The following MIA variants were observed in gnomAD, a reference collection of about 807,000 sequenced individuals.
MIA encodes melanoma-derived growth regulatory protein.
Under a neutral mutation model 18.5 loss-of-function variants are expected in MIA, and 18 were observed. The ratio of observed to expected loss-of-function variants is 0.97; its 90% CI spans 0.67 to 1.44. MIA has a LOEUF of 1.44. Ranked by LOEUF, MIA falls within the 40% of genes most tolerant of loss-of-function variation. MIA has a pLI of 0.00. For missense variants in MIA, 158 were observed against 172.4 expected (o/e 0.92, Z 0.47); for synonymous variants, 55 against 64.9 (o/e 0.85, Z 0.74).
chr19:40,775,865 C>T lies in MIA; in HGVS notation c.241C>T (p.Arg81Trp), dbSNP rs545812317. 3.3e-5 allele frequency: 54 copies of T among 1,613,740 alleles called. No homozygotes were observed. The highest frequency in any genetic ancestry group is 5.0e-5 in the Admixed American group (3 of 59,968). Residue 81 changes from arginine to tryptophan, a missense_variant, in exon 2 of 4, where the codon CGG becomes TGG. Transcript: ENST00000263369. The stretch of plus-strand genomic sequence containing the variant: ...CTTCTCCAAGCTGAAGGGCCGTGGG[C>T]GGCTCTTCTGGGGAGGCAGCGTGAG... Reference protein sequence around the residue: ...YVFSKLKGRGRLFWGGSVQGD... With the variant: ...YVFSKLKGRGWLFWGGSVQGD...
chr19:40,777,297 A>C (rs2083004898), intron 3 of MIA, 100 bp from the exon 4 acceptor site: 4 of 1,424,374 alleles, frequency 2.8e-6, no homozygotes. Context: ...TTGTGTGGCC[A>C]GACCTGGGCC....
In MIA at chr19:40,775,554, C is replaced by A; in HGVS notation, c.12C>A (p.Ser4=). 1 of 1,614,132 alleles carries A rather than the reference C, an allele frequency of 6.2e-7. No individual in the cohort carries two copies. The highest frequency in any genetic ancestry group is 8.5e-7 in the Non-Finnish European group (1 of 1,180,022). ...GCTCACAGTCCACGATGGCCCGGTC[C>A]CTGGTGTGCCTTGGTGTCATCATCT... MAR[S]LVCLGVIILL... is the part of the protein sequence containing the mutation. The change falls in exon 1 of 4, where the codon TCC becomes TCA. Residue 4 remains serine, a synonymous_variant. Transcript: ENST00000263369.
chr19:40,775,176 G>A (rs748019126), upstream of MIA: 26 of 195,238 alleles, frequency 1.3e-4, no homozygotes, highest in Non-Finnish European at 2.7e-4. Context: ...AGGCTCCTCC[G>A]CTTCTGTGGC....
chr19:40,777,343 T>G, intron 3 of MIA, 54 bp from the exon 4 acceptor site: 2 of 1,600,286 alleles, frequency 1.2e-6, no homozygotes, highest in South Asian at 2.2e-5. Context: ...CACTAGATCC[T>G]TTGTGGTGTG....
In MIA at chr19:40,777,386, C is replaced by T; in HGVS notation, c.373-11C>T. The T allele has an allele frequency of 8.7e-6, 14 of 1,613,922 alleles. No individual in the cohort carries two copies. Among genetic ancestry groups the T allele is most frequent in the Non-Finnish European group, 1.2e-5 (14 of 1,179,936 alleles). ...GTTTTCTTTCCACTGTTTCCCCTTTCTCTTTTTCAGAAATGGGATTTCTAC... is the reference window on the plus strand; with the variant it reads ...GTTTTCTTTCCACTGTTTCCCCTTTTTCTTTTTCAGAAATGGGATTTCTAC... On this transcript the variant is annotated splice_polypyrimidine_tract_variant and intron_variant, in intron 3 of 3. Transcript: ENST00000263369.
chr19:40,775,642 A>C lies in MIA; in HGVS notation c.100A>C (p.Lys34Gln), dbSNP rs1211493566. The C allele has an allele frequency of 1.2e-6, 2 of 1,614,078 alleles. No individual in the cohort carries two copies. The highest frequency in any genetic ancestry group is 2.2e-5 in the South Asian group (2 of 91,080). ...GGPMPKLADR[K>Q]LCADQECSHP... ...TCCTATGCCCAAGCTGGCTGACCGG[A>C]AGCTGTGTGCGGACCAGGAGTGCAG... Residue 34 changes from lysine (K) to glutamine (Q), a missense_variant, in exon 1 of 4, where the codon AAG (lysine) becomes CAG (glutamine). Transcript: ENST00000263369.
rs763926172 is a variant in MIA at position 40,775,812 on chromosome 19, C to T, written c.188C>T (p.Thr63Ile). 1.2e-6 allele frequency: 2 copies of T among 1,614,086 alleles called. No individual in the cohort carries two copies. Among genetic ancestry groups the T allele is most frequent in the East Asian group, 4.5e-5 (2 of 44,872 alleles). Residue 63 changes from threonine (T) to isoleucine (I), a missense_variant, in exon 2 of 4, where the codon ACC (threonine) becomes ATC (isoleucine). Thr to Ile is a moderately conservative substitution (Grantham distance 89). Coordinates refer to ENST00000263369, the MANE Select transcript of MIA (RefSeq NM_006533.4). ...DYMAPDCRFLTIHRGQVVYVF... is the reference protein window; with the variant it reads ...DYMAPDCRFLIIHRGQVVYVF... ...ATGGCCCCCGACTGCCGATTCCTGA[C>T]CATTCACCGGGGCCAAGTGGTGTAT...
At chr19:40,775,394 A>G (rs1303067489), upstream of MIA, 3 of 1,222,506 alleles carry the variant, frequency 2.5e-6, no homozygotes, top group African/African-American at 3.0e-5. Context: ...TTTCATAGCA[A>G]CTTCTAGGTG....
At chr19:40,776,825 G>A in intron 2 of MIA, 144 bp from the exon 3 acceptor site, 1 of 606,624 alleles carries the variant, frequency 1.6e-6, no homozygotes. Flanking sequence ...AAGGGCCTCT[G>A]AACAGGTGGC....
chr19:40,775,401 G>A, upstream of MIA: 1 of 1,280,700 alleles, frequency 7.8e-7, no homozygotes, highest in Non-Finnish European at 1.1e-6. Flanking sequence ...GCAACTTCTA[G>A]GTGGTGTGGG....
In MIA at chr19:40,775,814, A is replaced by AT. The variant is rs1568488913; in HGVS notation, c.192dup (p.His65SerfsTer42). ...GGCCCCCGACTGCCGATTCCTGACC[A>AT]TTCACCGGGGCCAAGTGGTGTATGT... On this transcript the variant is annotated frameshift_variant, in exon 2 of 4. Transcript: ENST00000263369. LOFTEE classifies it high-confidence loss of function. 2.5e-6 allele frequency: 4 copies of AT among 1,613,908 alleles called. No individual in the cohort carries two copies. The South Asian group carries it at 4.4e-5, about 18-fold the overall frequency.
rs762232080 is a variant in MIA at position 40,777,445 on chromosome 19, G to T, written c.*25G>T. 1.3e-5 allele frequency: 20 copies of T among 1,580,944 alleles called. No homozygotes were observed. Among genetic ancestry groups the T allele is most frequent in the African/African-American group, 4.1e-5 (3 of 73,838 alleles). On this transcript the variant is annotated 3_prime_UTR_variant, in exon 4 of 4. Coordinates refer to ENST00000263369, the MANE Select transcript of MIA (RefSeq NM_006533.4). ...AGCTCAGCCTACCGCTGGCCCTGCC[G>T]TTTCCCCTCCTTGGCTTTATGCAAA...
rs757569781 is a variant in MIA, at chr19:40,777,112, G to C, written c.372+33G>C. 1.9e-6 allele frequency: 3 copies of C among 1,574,508 alleles called. No homozygotes were observed. In the Admixed American group the frequency reaches 5.1e-5, roughly 27 times the overall value. On this transcript the variant is annotated intron_variant, in intron 3 of 3. Coordinates refer to ENST00000263369, the MANE Select transcript of MIA (RefSeq NM_006533.4). ...TCATGGGGGCTGGCAAGAAATGTGG[G>C]GGGAGGACCCTTAGGTTGTGGGGAT...
rs1449761311 is a variant in MIA at position 40,775,840 on chromosome 19, C to T, written c.216C>T (p.Val72=). The T allele has an allele frequency of 6.2e-7, 1 of 1,614,052 alleles. No individual in the cohort carries two copies. Among genetic ancestry groups the T allele is most frequent in the Non-Finnish European group, 8.5e-7 (1 of 1,180,024 alleles). Residue 72 remains valine, a synonymous_variant, in exon 2 of 4, where the codon GTC becomes GTT. Coordinates refer to ENST00000263369, the MANE Select transcript of MIA (RefSeq NM_006533.4). ...LTIHRGQVVY[V]FSKLKGRGRL... Reference sequence around the variant, plus strand: ...TTCACCGGGGCCAAGTGGTGTATGTCTTCTCCAAGCTGAAGGGCCGTGGGC... The same window carrying T: ...TTCACCGGGGCCAAGTGGTGTATGTTTTCTCCAAGCTGAAGGGCCGTGGGC...
chr19:40,777,099 G>A lies in MIA; in HGVS notation c.372+20G>A. 1 of 1,597,316 alleles carries A rather than the reference G, an allele frequency of 6.3e-7. No individual in the cohort carries two copies. Among genetic ancestry groups the A allele is most frequent in the Admixed American group, 1.7e-5 (1 of 59,416 alleles). On this transcript the variant is annotated intron_variant, in intron 3 of 3. Coordinates refer to ENST00000263369, the MANE Select transcript of MIA (RefSeq NM_006533.4). The stretch of plus-strand genomic sequence containing the variant: ...ACAGACGTGAGTGTCATGGGGGCTG[G>A]CAAGAAATGTGGGGGGAGGACCCTT...
At chr19:40,776,586 A>T (rs1190460702) in intron 2 of MIA, among the ~76,000 whole-genome samples, 1 of 151,986 alleles carries the variant, frequency 6.6e-6, no homozygotes, top group Non-Finnish European at 1.5e-5. Context: ...ATAAAAAAAA[A>T]TTTAAAATTA....
At chr19:40,775,312 G>A (rs2082987749), upstream of MIA, 2 of 588,286 alleles carry the variant, frequency 3.4e-6, no homozygotes, top group Non-Finnish European at 5.9e-6. Flanking sequence ...GGAAAGTTGT[G>A]AGCTGCTTTG....
At chr19:40,776,115 C>T (rs945383830) in intron 2 of MIA, among the ~76,000 whole-genome samples, 2 of 152,172 alleles carry the variant, frequency 1.3e-5, no homozygotes, top group African/African-American at 4.8e-5. Context: ...TAACCTCCAC[C>T]TCTTGGGTTT....
intron 3 of MIA, 105 bp from the exon 4 acceptor site, chr19:40,777,292 T>C: frequency 7.3e-7 from 1 of 1,370,606 alleles, no homozygotes; most frequent in South Asian, 1.2e-5. Flanking sequence ...AGCACTTGTG[T>C]GGCCAGACCT....
Sources: allele counts gnomAD v4.1 joint callset (sites outside exome capture counted in the v4.1 genomes callset), GRCh38; gene constraint gnomAD v4.1.1; transcripts MANE v1.5; gene names NCBI Gene and HGNC (gene_info 2026-07-23, HGNC 2026-07-21).